The following HTR2C variants were observed in gnomAD, a reference collection of about 807,000 sequenced individuals.
The protein encoded by HTR2C is 5-hydroxytryptamine receptor 2C.
Under a neutral mutation model 21.0 loss-of-function variants are expected in HTR2C, and 5 were observed. The ratio of observed to expected loss-of-function variants is 0.24; its 90% CI spans 0.12 to 0.50. HTR2C has a LOEUF of 0.50. Ranked by LOEUF, HTR2C falls within the 20% of genes least tolerant of loss-of-function variation. The probability of loss-of-function intolerance (pLI) is 0.98; values close to 1 mark genes in which losing one functional copy is unlikely to be tolerated. For synonymous variants in HTR2C, 150 were observed against 145.3 expected, an observed-to-expected ratio of 1.03 and a Z score of -0.23; for missense variants, 271 against 371.2, an observed-to-expected ratio of 0.73 and a Z score of 2.22.
intron 2 of HTR2C, among the ~76,000 whole-genome samples, chrX:114,621,176 C>T (rs1229870594): frequency 8.9e-6 from 1 of 112,261 alleles, no homozygotes; most frequent in South Asian, 3.7e-4. Context: ...CTATGGCACC[C>T]GGCCTGAGAG....
At chrX:114,712,550 C>T (rs782388043) in intron 2 of HTR2C, among the ~76,000 whole-genome samples, 1 of 112,203 alleles carries the variant, frequency 8.9e-6, no homozygotes, top group Admixed American at 9.5e-5. Flanking sequence ...ACTTTATTTA[C>T]AGTCAGTTGC....
At chrX:114,744,523 G>T (rs1556425788) in intron 4 of HTR2C, among the ~76,000 whole-genome samples, 1 of 107,211 alleles carries the variant, frequency 9.3e-6, no homozygotes. Context: ...CTTGATCTCG[G>T]CTCACTGCAA....
intron 4 of HTR2C, among the ~76,000 whole-genome samples, chrX:114,800,511 G>A (rs782225962): frequency 9.0e-6 from 1 of 110,923 alleles, no homozygotes; most frequent in South Asian, 3.8e-4. Flanking sequence ...ACTGACCTTG[G>A]CCACACTTCA....
At chrX:114,671,569 A>T (rs2035342436) in intron 2 of HTR2C, among the ~76,000 whole-genome samples, 1 of 112,211 alleles carries the variant, frequency 8.9e-6, no homozygotes, top group Non-Finnish European at 1.9e-5. Flanking sequence ...TTACATTTCC[A>T]CTGAGATTGA....
At chrX:114,704,109 C>T (rs1932672522) in intron 2 of HTR2C, among the ~76,000 whole-genome samples, 2 of 111,501 alleles carry the variant, frequency 1.8e-5, no homozygotes, top group Non-Finnish European at 3.8e-5. Flanking sequence ...GATGGATTCA[C>T]AGCTGAATTC....
chrX:114,742,725 T>TA (rs782397529), intron 4 of HTR2C, among the ~76,000 whole-genome samples: 3 of 21,615 alleles, frequency 1.4e-4, no homozygotes, highest in Non-Finnish European at 3.5e-4. Flanking sequence ...TTTTTTTTTT[T>TA]AATTTTTTTT....
At chrX:114,609,138 A>G (rs1389003201) in intron 1 of HTR2C, among the ~76,000 whole-genome samples, 2 of 111,553 alleles carry the variant, frequency 1.8e-5, no homozygotes, top group Non-Finnish European at 3.8e-5. Context: ...TATTTTGGCC[A>G]CTAACATCAC....
chrX:114,603,345 A>C (rs782303066), intron 1 of HTR2C, among the ~76,000 whole-genome samples: 2 of 110,052 alleles, frequency 1.8e-5, no homozygotes, highest in African/African-American at 6.6e-5. Flanking sequence ...TGTGATTTTG[A>C]GGGCCTCTAA....
At chrX:114,838,045 A>G (rs1406983899) in intron 4 of HTR2C, among the ~76,000 whole-genome samples, 3 of 111,330 alleles carry the variant, frequency 2.7e-5, no homozygotes, top group African/African-American at 9.8e-5. Context: ...ACAAATGCTA[A>G]TATCAGGGAT....
chrX:114,842,667 T>C (rs1312726082), intron 4 of HTR2C, among the ~76,000 whole-genome samples: 3 of 112,075 alleles, frequency 2.7e-5, no homozygotes, highest in African/African-American at 9.7e-5. Context: ...GTGACCGGGC[T>C]GTCCATCAGC....
intron 2 of HTR2C, among the ~76,000 whole-genome samples, chrX:114,683,461 C>A (rs1483583623): frequency 3.6e-5 from 4 of 110,365 alleles, no homozygotes; most frequent in African/African-American, 1.3e-4. Context: ...TAAAGGGACT[C>A]ATCATCCATA....
intron 2 of HTR2C, among the ~76,000 whole-genome samples, chrX:114,650,558 G>A (rs1207112393): frequency 3.6e-5 from 4 of 111,874 alleles, no homozygotes; most frequent in African/African-American, 1.3e-4. Flanking sequence ...CATGTCATAT[G>A]TGACTGCTTG....
chrX:114,834,068 G>A (rs1374719442), intron 4 of HTR2C, among the ~76,000 whole-genome samples: 4 of 110,784 alleles, frequency 3.6e-5, no homozygotes, highest in Non-Finnish European at 5.7e-5. Context: ...CTGAGAGATA[G>A]TTTATTATAA....
chrX:114,776,150 A>T (rs2070054660), intron 4 of HTR2C: 2 of 533,090 alleles, frequency 3.8e-6, no homozygotes, highest in African/African-American at 4.5e-5. Flanking sequence ...AATAATGAGG[A>T]TTGACACATC....
chrX:114,705,081 T>C (rs1556417745), intron 2 of HTR2C, among the ~76,000 whole-genome samples: 4 of 104,674 alleles, frequency 3.8e-5, no homozygotes. Flanking sequence ...TGGAAGAACA[T>C]TCCATGCTCA....
At chrX:114,585,836 A>G (rs1198997188) in intron 1 of HTR2C, among the ~76,000 whole-genome samples, 1 of 109,694 alleles carries the variant, frequency 9.1e-6, no homozygotes, top group Non-Finnish European at 1.9e-5. Context: ...TGAGCCACTA[A>G]GTGCATATGC....
intron 2 of HTR2C, among the ~76,000 whole-genome samples, chrX:114,641,880 C>T (rs1342818536): frequency 1.8e-5 from 2 of 111,065 alleles, no homozygotes; most frequent in Non-Finnish European, 3.8e-5. Flanking sequence ...CATCTTGATG[C>T]TCTCCCTCCC....
intron 1 of HTR2C, among the ~76,000 whole-genome samples, chrX:114,603,430 T>C (rs1928234113): frequency 9.3e-6 from 1 of 108,096 alleles, no homozygotes; most frequent in South Asian, 4.2e-4. Context: ...TCAAGTTGTT[T>C]GGACAGAAAG....
At chrX:114,831,425 G>C (rs1205022533) in intron 4 of HTR2C, among the ~76,000 whole-genome samples, 1 of 98,497 alleles carries the variant, frequency 1.0e-5, no homozygotes, top group Non-Finnish European at 2.1e-5. Context: ...TAGTGGTTTT[G>C]ATTTGCATTT....
Sources: gnomAD v4.1 joint callset for allele counts (sites outside exome capture counted in the v4.1 genomes callset) on GRCh38, gnomAD v4.1.1 for gene constraint, MANE v1.5 for transcripts, NCBI Gene and HGNC (gene_info 2026-07-23, HGNC 2026-07-21) for gene names.